PDE1C: variants seen among roughly 807,000 people sequenced by gnomAD.
PDE1C encodes dual specificity calcium/calmodulin-dependent 3',5'-cyclic nucleotide phosphodiesterase 1C.
Under a neutral mutation model 93.1 loss-of-function variants are expected in PDE1C, and 62 were observed. The ratio of observed to expected loss-of-function variants is 0.67; its 90% CI spans 0.54 to 0.82. PDE1C has a LOEUF of 0.82. Among genes scored for constraint, PDE1C ranks in the 40% least tolerant of loss-of-function variants. The probability of loss-of-function intolerance (pLI) is 0.00; values close to 1 mark genes in which losing one functional copy is unlikely to be tolerated. For synonymous variants in PDE1C, 325 were observed against 310.1 expected, an observed-to-expected ratio of 1.05 and a Z score of -0.50; for missense variants, 742 against 884.6, an observed-to-expected ratio of 0.84 and a Z score of 2.04.
At chr7:32,340,264 C>A (rs1228436976) in intron 1 of PDE1C, among the ~76,000 whole-genome samples, 1 of 152,068 alleles carries the variant, frequency 6.6e-6, no homozygotes, top group African/African-American at 2.4e-5. Flanking sequence ...CTAAAAAGGT[C>A]AAGGAAATAA....
At chr7:32,114,535 T>C (rs544995040) in intron 3 of PDE1C, among the ~76,000 whole-genome samples, 1 of 152,112 alleles carries the variant, frequency 6.6e-6, no homozygotes, top group African/African-American at 2.4e-5. Flanking sequence ...ACCTAGGCAA[T>C]ACCATTCAGG....
chr7:31,651,627 AG>A, the PDE1C span, among the ~76,000 whole-genome samples: 18 of 152,216 alleles, frequency 1.2e-4, no homozygotes, highest in Non-Finnish European at 1.8e-4. Context: ...GTAAAGGGAG[AG>A]GCATACGGGT....
intron 2 of PDE1C, among the ~76,000 whole-genome samples, chr7:31,957,744 C>T (rs1186651156): frequency 1.3e-5 from 2 of 152,100 alleles, no homozygotes; most frequent in Non-Finnish European, 2.9e-5. Flanking sequence ...CAATTTCTTT[C>T]CAGATGTGGC....
chr7:32,324,085 T>C (rs573838473), intron 1 of PDE1C, among the ~76,000 whole-genome samples: 1 of 152,296 alleles, frequency 6.6e-6, no homozygotes, highest in African/African-American at 2.4e-5. Flanking sequence ...AAAATTAAAT[T>C]AGAATATTTT....
intron 1 of PDE1C, among the ~76,000 whole-genome samples, chr7:32,056,593 C>A (rs541903508): frequency 1.3e-5 from 2 of 152,234 alleles, no homozygotes; most frequent in Non-Finnish European, 1.5e-5. Context: ...AACAGCAGTG[C>A]CTGCTTTACG....
chr7:32,355,663 A>G lies in PDE1C; in HGVS notation c.310+72159T>C, dbSNP rs1585122826. Among the ~76,000 whole-genome samples, 4 of 152,308 alleles carry G rather than the reference A, an allele frequency of 2.6e-5. No homozygotes were observed. In the East Asian group the frequency reaches 7.7e-4, roughly 29 times the overall value. ...AGCAGTTTGTTCCTATTTCTAAGATAGTTTTTAATGTGCCATATCATAGTT... is the reference window on the plus strand; with the variant it reads ...AGCAGTTTGTTCCTATTTCTAAGATGGTTTTTAATGTGCCATATCATAGTT... On this transcript the variant is annotated intron_variant, in intron 1 of 1. Coordinates refer to the PDE1C transcript ENST00000672256.
chr7:32,260,843 G>A (rs762547999), intron 1 of PDE1C, among the ~76,000 whole-genome samples: 5 of 152,320 alleles, frequency 3.3e-5, no homozygotes, highest in South Asian at 2.1e-4. Context: ...GAAATTGGCC[G>A]GGCACAGTGG....
chr7:32,326,811 G>A (rs1408462000), intron 1 of PDE1C, among the ~76,000 whole-genome samples: 4 of 152,136 alleles, frequency 2.6e-5, no homozygotes, highest in African/African-American at 9.7e-5. Flanking sequence ...CCTTTTCTAA[G>A]GTGGCAGCAA....
At chr7:32,371,089 C>T (rs1784324098) in intron 1 of PDE1C, among the ~76,000 whole-genome samples, 1 of 152,072 alleles carries the variant, frequency 6.6e-6, no homozygotes, top group South Asian at 2.1e-4. Flanking sequence ...TCTCACATCA[C>T]ATCACCCTTA....
rs575212038 is a variant in PDE1C, at chr7:32,387,682, A to AC, written c.310+40139dup. 6.5e-4 allele frequency among the ~76,000 whole-genome samples: 53 copies of AC among 81,192 alleles called. No homozygotes were observed. The South Asian group carries it at 0.011, about 17-fold the overall frequency. The allele number at this position is 81,192 out of a possible 152,430, so 53.3% of individuals were successfully genotyped here. ...GGGCGGCTGGCCGGGCGGGGGGCTG[A>AC]CCCCCCCCACCTCCCTCCCGGACGG... On this transcript the variant is annotated intron_variant, in intron 1 of 1. Coordinates refer to the PDE1C transcript ENST00000672256.
intron 17 of PDE1C, among the ~76,000 whole-genome samples, chr7:31,763,692 T>C (rs928719312): frequency 6.6e-6 from 1 of 152,220 alleles, no homozygotes; most frequent in African/African-American, 2.4e-5. Context: ...CCCAGAATGT[T>C]GTAGGTATTT....
chr7:31,924,247 C>G (rs900840744), intron 2 of PDE1C, among the ~76,000 whole-genome samples: 1 of 152,158 alleles, frequency 6.6e-6, no homozygotes, highest in African/African-American at 2.4e-5. Flanking sequence ...GATCTAGTGT[C>G]TTCCCTCATA....
At chr7:31,865,781 A>G (rs188839140) in intron 6 of PDE1C, among the ~76,000 whole-genome samples, 9 of 152,132 alleles carry the variant, frequency 5.9e-5, no homozygotes, top group Admixed American at 2.6e-4. Context: ...TATGTGTCCA[A>G]TGTATATAAC....
chr7:31,832,044 C>T (rs1009781658), intron 11 of PDE1C, among the ~76,000 whole-genome samples: 1 of 151,982 alleles, frequency 6.6e-6, no homozygotes, highest in African/African-American at 2.4e-5. Context: ...CACATTAATG[C>T]AGATTGTGCT....
intron 3 of PDE1C, among the ~76,000 whole-genome samples, chr7:32,140,686 T>C (rs1229340556): frequency 6.6e-6 from 1 of 152,110 alleles, no homozygotes; most frequent in African/African-American, 2.4e-5. Context: ...TAGGGTATGA[T>C]TGGGGCTGTT....
intron 2 of PDE1C, among the ~76,000 whole-genome samples, chr7:31,960,010 C>A (rs186313614): frequency 2.0e-5 from 3 of 147,440 alleles, no homozygotes; most frequent in Non-Finnish European, 4.5e-5. Flanking sequence ...GGATTACAAG[C>A]GCCCACCATC....
intron 16 of PDE1C, among the ~76,000 whole-genome samples, chr7:31,794,087 G>C (rs904048975): frequency 2.7e-5 from 4 of 146,776 alleles, no homozygotes; most frequent in African/African-American, 1.1e-4. Context: ...CAGACAGACA[G>C]ACAGATAGAT....
chr7:31,728,925 G>T, the PDE1C span, among the ~76,000 whole-genome samples: 1 of 152,230 alleles, frequency 6.6e-6, no homozygotes, highest in Non-Finnish European at 1.5e-5. Flanking sequence ...AATATATTCT[G>T]CACCCAATGG....
At chr7:32,206,383 C>T (rs1209063758) in intron 2 of PDE1C, among the ~76,000 whole-genome samples, 1 of 152,182 alleles carries the variant, frequency 6.6e-6, no homozygotes, top group Non-Finnish European at 1.5e-5. Context: ...AAGGAGCTGA[C>T]TGTCTAATAG....
Sources: gnomAD v4.1 joint callset for allele counts (sites outside exome capture counted in the v4.1 genomes callset) on GRCh38, gnomAD v4.1.1 for gene constraint, MANE v1.5 for transcripts, NCBI Gene and HGNC (gene_info 2026-07-23, HGNC 2026-07-21) for gene names.